The following MIGA1 variants were observed in gnomAD, a reference collection of about 807,000 sequenced individuals.
MIGA1 encodes the protein mitoguardin 1.
Under a neutral mutation model 82.0 loss-of-function variants are expected in MIGA1, and 58 were observed. That is an observed-to-expected ratio of 0.71 (90% CI 0.57 to 0.88). The LOEUF (loss-of-function observed/expected upper bound fraction) is 0.88, where lower values mean the gene tolerates loss of function less well. Ranked by LOEUF, MIGA1 falls within the 40% of genes least tolerant of loss-of-function variation. The probability of loss-of-function intolerance (pLI) is 0.00; values close to 1 mark genes in which losing one functional copy is unlikely to be tolerated. For synonymous variants in MIGA1, 249 were observed against 253.6 expected (o/e 0.98, Z 0.17); for missense variants, 751 against 749.1 (o/e 1.00, Z -0.03).
intron 2 of MIGA1, among the ~76,000 whole-genome samples, chr1:77,788,320 G>T (rs941631539): frequency 6.6e-6 from 1 of 151,840 alleles, no homozygotes; most frequent in Admixed American, 6.6e-5. Context: ...TGTATTTTTA[G>T]TAGAGACGGG....
intron 15 of MIGA1, among the ~76,000 whole-genome samples, chr1:77,874,332 T>G (rs1646876998): frequency 6.6e-6 from 1 of 152,078 alleles, no homozygotes; most frequent in Admixed American, 6.6e-5. Context: ...TTCATGTGCC[T>G]TAAGGGTTTT....
intron 8 of MIGA1, among the ~76,000 whole-genome samples, chr1:77,845,439 T>G (rs902205468): frequency 1.3e-5 from 2 of 152,194 alleles, no homozygotes; most frequent in Admixed American, 1.3e-4. Flanking sequence ...TATGCAACTT[T>G]AAAAAATATT....
intron 5 of MIGA1, among the ~76,000 whole-genome samples, chr1:77,808,980 A>G (rs899387835): frequency 6.6e-6 from 1 of 152,174 alleles, no homozygotes; most frequent in African/African-American, 2.4e-5. Context: ...ATATGGTGTC[A>G]TGTACCTGTA....
At chr1:77,859,746 CAA>C (rs1685395105) in intron 10 of MIGA1, 1 of 373,094 alleles carries the variant, frequency 2.7e-6, no homozygotes, top group South Asian at 6.7e-5. Context: ...AAGAAAATAA[CAA>C]GAATATATTT....
In MIGA1 at chr1:77,813,834, T is replaced by A; in HGVS notation, c.738T>A (p.Gly246=). 8 of 1,614,246 alleles carry A rather than the reference T, an allele frequency of 5.0e-6. No homozygotes were observed. The highest frequency in any genetic ancestry group is 6.8e-6 in the Non-Finnish European group (8 of 1,180,034). Residue 246 remains glycine (G), a synonymous_variant, in exon 6 of 16, where the codon GGT becomes GGA. Transcript: ENST00000370791. ...AAGCCTGTGGTTCCATTAAACTGGG[T>A]GCAGGAGATGCCATTGCTGAAGAAA...
chr1:77,862,919 T>G (rs1270124241), intron 12 of MIGA1, among the ~76,000 whole-genome samples: 6 of 147,952 alleles, frequency 4.1e-5, no homozygotes, highest in Non-Finnish European at 8.9e-5. Context: ...CCAGCCTGGG[T>G]GACAGAGCAA....
intron 2 of MIGA1, among the ~76,000 whole-genome samples, chr1:77,795,611 CT>C (rs1239224750): frequency 3.3e-5 from 5 of 151,246 alleles, no homozygotes; most frequent in African/African-American, 1.2e-4. Context: ...AGCCACCATG[CT>C]GGGCCTGGTA....
chr1:77,870,690 G>C (rs1685939616), intron 14 of MIGA1, among the ~76,000 whole-genome samples: 1 of 150,632 alleles, frequency 6.6e-6, no homozygotes, highest in South Asian at 2.1e-4. Context: ...GTGGCGGCTG[G>C]GCAGAGGCTG....
At chr1:77,793,301 C>G (rs1267574898) in intron 2 of MIGA1, among the ~76,000 whole-genome samples, 1 of 151,976 alleles carries the variant, frequency 6.6e-6, no homozygotes, top group Non-Finnish European at 1.5e-5. Flanking sequence ...CGGGGTCTCA[C>G]CATGTTGCCC....
At chr1:77,789,650 G>A (rs1417222158) in intron 2 of MIGA1, among the ~76,000 whole-genome samples, 1 of 151,828 alleles carries the variant, frequency 6.6e-6, no homozygotes, top group African/African-American at 2.4e-5. Context: ...TTAAACCATT[G>A]CATTTATTTA....
intron 4 of MIGA1, among the ~76,000 whole-genome samples, chr1:77,804,439 G>A (rs1019526154): frequency 1.3e-5 from 2 of 152,162 alleles, no homozygotes; most frequent in Admixed American, 6.5e-5. Context: ...AATGAGAGCT[G>A]GGTGCTGTGG....
intron 14 of MIGA1, among the ~76,000 whole-genome samples, chr1:77,867,975 A>T (rs1325110997): frequency 6.6e-6 from 1 of 152,148 alleles, no homozygotes; most frequent in Non-Finnish European, 1.5e-5. Context: ...ACTTGTATAC[A>T]TGGGTTTGAT....
intron 2 of MIGA1, among the ~76,000 whole-genome samples, chr1:77,800,680 A>G (rs1056355131): frequency 2.6e-5 from 4 of 152,186 alleles, no homozygotes; most frequent in Non-Finnish European, 5.9e-5. Flanking sequence ...TTATTTGCCA[A>G]TATATCTGTC....
At chr1:77,860,014 T>G in intron 10 of MIGA1, 26 bp from the exon 11 acceptor site, 1 of 1,513,002 alleles carries the variant, frequency 6.6e-7, no homozygotes, top group Non-Finnish European at 9.1e-7. Context: ...GGTCTCTTTT[T>G]TCTTTGGGGA....
chr1:77,863,810 T>C, intron 12 of MIGA1, 84 bp from the exon 13 acceptor site: 1 of 1,008,492 alleles, frequency 9.9e-7, no homozygotes, highest in Non-Finnish European at 1.4e-6. Context: ...ACCCCTGCTG[T>C]TATAAAACCA....
chr1:77,805,957 C>T (rs1683083507), intron 4 of MIGA1, among the ~76,000 whole-genome samples: 1 of 152,170 alleles, frequency 6.6e-6, no homozygotes, highest in Admixed American at 6.5e-5. Flanking sequence ...TGTAACAAGT[C>T]TTTAGAATCA....
chr1:77,818,144 A>G (rs1683645512), intron 7 of MIGA1, among the ~76,000 whole-genome samples: 1 of 144,118 alleles, frequency 6.9e-6, no homozygotes, highest in Admixed American at 6.9e-5. Context: ...TTTTTTTGAG[A>G]CAGAGTTTTG....
Position 77,859,472 on chromosome 1 carries a change from T to TA in MIGA1, c.1188+86_1188+87insA. 8.0e-6 allele frequency: 7 copies of TA among 879,952 alleles called. No individual in the cohort carries two copies. The South Asian group carries it at 9.7e-5, about 12-fold the overall frequency. 54.5% of individuals were successfully genotyped at this position (879,952 alleles called of 1,614,324 possible). On this transcript the variant is annotated intron_variant, in intron 10 of 15. Coordinates refer to ENST00000370791, the MANE Select transcript of MIGA1 (RefSeq NM_198549.4). ...GTCCAGTGCAAATAAACAGGACAGC[T>TA]CTGTGCTCTTGATTATCCCTATTCC...
intron 7 of MIGA1, among the ~76,000 whole-genome samples, chr1:77,822,968 G>A (rs541494279): frequency 2.5e-4 from 37 of 150,158 alleles, no homozygotes; most frequent in Middle Eastern, 7.0e-3. Context: ...TCAACCTCCC[G>A]AATAGTTGGT....
Sources: gnomAD v4.1 joint callset for allele counts (sites outside exome capture counted in the v4.1 genomes callset) on GRCh38, gnomAD v4.1.1 for gene constraint, MANE v1.5 for transcripts, NCBI Gene and HGNC (gene_info 2026-07-23, HGNC 2026-07-21) for gene names.